Variants in ZSCAN25 observed in about 807,000 individuals in gnomAD.
ZSCAN25 encodes the protein zinc finger and SCAN domain containing 25, also known as zinc finger and SCAN domain-containing protein 25.
Under a neutral mutation model 38.7 loss-of-function variants are expected in ZSCAN25, and 27 were observed. The ratio of observed to expected loss-of-function variants is 0.70; its 90% CI spans 0.51 to 0.96. The LOEUF is 0.96. ZSCAN25 is among the 40% of genes least tolerant of loss of function. ZSCAN25 has a pLI of 0.00. For missense variants in ZSCAN25, 637 were observed against 705.9 expected, an observed-to-expected ratio of 0.90 and a Z score of 1.11; for synonymous variants, 273 against 277.7, an observed-to-expected ratio of 0.98 and a Z score of 0.17.
chr7:99,726,767 A>G, the ZSCAN25 span, among the ~76,000 whole-genome samples: 1 of 152,176 alleles, frequency 6.6e-6, no homozygotes, highest in Non-Finnish European at 1.5e-5. Flanking sequence ...AGTCTTTTCA[A>G]CAAGATACCC....
chr7:99,689,538 C>CA, the ZSCAN25 span, among the ~76,000 whole-genome samples: 1 of 152,210 alleles, frequency 6.6e-6, no homozygotes, highest in Admixed American at 6.5e-5. Flanking sequence ...GCTTACCAAC[C>CA]AAAAAAGTCC....
At chr7:99,651,055 G>C in the ZSCAN25 span, among the ~76,000 whole-genome samples, 1 of 152,242 alleles carries the variant, frequency 6.6e-6, no homozygotes, top group East Asian at 1.9e-4. Flanking sequence ...ATATTTTGGA[G>C]AGCATTCTGA....
chr7:99,628,558 TCTC>T (rs1366528354), intron 7 of ZSCAN25, among the ~76,000 whole-genome samples: 1 of 152,210 alleles, frequency 6.6e-6, no homozygotes, highest in African/African-American at 2.4e-5. Flanking sequence ...CTAGGGGCGT[TCTC>T]CTGCAGGAGC....
the ZSCAN25 span, among the ~76,000 whole-genome samples, chr7:99,696,059 C>T: frequency 2.0e-5 from 3 of 152,174 alleles, no homozygotes; most frequent in Non-Finnish European, 4.4e-5. Flanking sequence ...TAGTCGAAAG[C>T]AGCAGAAGTC....
the ZSCAN25 span, chr7:99,665,240 G>A: frequency 6.2e-7 from 1 of 1,614,152 alleles, no homozygotes; most frequent in Non-Finnish European, 8.5e-7. Flanking sequence ...GGGGTCTTGT[G>A]GATTGTTGAG....
At chr7:99,617,605 C>T (rs772748317) in intron 1 of ZSCAN25, among the ~76,000 whole-genome samples, 3 of 152,110 alleles carry the variant, frequency 2.0e-5, no homozygotes, top group South Asian at 2.1e-4. Flanking sequence ...ATTAGCTGGT[C>T]ATGGTGGCAC....
At chr7:99,713,632 G>A in the ZSCAN25 span, 1 of 1,535,204 alleles carries the variant, frequency 6.5e-7, no homozygotes, top group Non-Finnish European at 9.0e-7. Flanking sequence ...TGAGAATATA[G>A]CCCCTTGGAG....
intron 7 of ZSCAN25, among the ~76,000 whole-genome samples, chr7:99,627,454 T>TAC (rs980287705): frequency 1.4e-4 from 21 of 151,978 alleles, no homozygotes; most frequent in African/African-American, 2.2e-4. Flanking sequence ...TATATATACA[T>TAC]ACACACACAC....
the ZSCAN25 span, chr7:99,660,737 C>T: frequency 5.1e-3 from 7,733 of 1,515,386 alleles, 36 homozygotes; most frequent in Non-Finnish European, 5.7e-3. Flanking sequence ...CTAAGTGAAG[C>T]TCTCTAATCC....
the ZSCAN25 span, chr7:99,638,296 A>C: frequency 6.2e-7 from 1 of 1,606,604 alleles, no homozygotes; most frequent in Non-Finnish European, 8.5e-7. Context: ...CCGTCCCCTG[A>C]GGTGGCACAG....
the ZSCAN25 span, among the ~76,000 whole-genome samples, chr7:99,710,358 G>A: frequency 1.3e-5 from 2 of 152,158 alleles, no homozygotes; most frequent in African/African-American, 4.8e-5. Context: ...GCGCACCCAG[G>A]GCCAGGCTCC....
the ZSCAN25 span, among the ~76,000 whole-genome samples, chr7:99,675,256 A>G: frequency 6.6e-6 from 1 of 152,254 alleles, no homozygotes; most frequent in Non-Finnish European, 1.5e-5. Flanking sequence ...CTTCTGAAAC[A>G]TAAAAACAAA....
the ZSCAN25 span, among the ~76,000 whole-genome samples, chr7:99,728,153 G>A: frequency 6.6e-6 from 1 of 152,160 alleles, no homozygotes; most frequent in Admixed American, 6.5e-5. Flanking sequence ...CAAGGAAGAT[G>A]GTTCTTAGAC....
the ZSCAN25 span, among the ~76,000 whole-genome samples, chr7:99,696,720 T>C: frequency 2.6e-5 from 4 of 152,196 alleles, no homozygotes; most frequent in African/African-American, 7.2e-5. Flanking sequence ...GCCAGTGATA[T>C]GGTCTGAATC....
the ZSCAN25 span, among the ~76,000 whole-genome samples, chr7:99,692,719 T>G: frequency 9.9e-5 from 15 of 152,212 alleles, no homozygotes; most frequent in African/African-American, 3.4e-4. Flanking sequence ...CATCACGAAG[T>G]TCTTGTACCA....
chr7:99,620,021 C>T (rs185059551), intron 4 of ZSCAN25, 28 bp downstream of exon 4: 57 of 1,584,862 alleles, frequency 3.6e-5, no homozygotes, highest in East Asian at 9.0e-5. Flanking sequence ...CCAGGTCTGG[C>T]GCCCTTGGCG....
chr7:99,633,185 C>T (rs769935125), downstream of ZSCAN25, among the ~76,000 whole-genome samples: 9 of 152,000 alleles, frequency 5.9e-5, no homozygotes, highest in South Asian at 2.1e-4. Context: ...ATACCCATGG[C>T]GTGATTTAAC....
the ZSCAN25 span, among the ~76,000 whole-genome samples, chr7:99,733,678 G>A: frequency 1.3e-5 from 2 of 152,164 alleles, no homozygotes; most frequent in African/African-American, 4.8e-5. Context: ...TGTCCTTCAA[G>A]TGACCTCCAC....
the ZSCAN25 span, chr7:99,700,033 A>G: frequency 6.2e-6 from 10 of 1,607,408 alleles, no homozygotes; most frequent in Admixed American, 3.3e-5. Flanking sequence ...GATGAGGTCC[A>G]TCGCCACTTG....
Sources: allele counts gnomAD v4.1 joint callset (sites outside exome capture counted in the v4.1 genomes callset), GRCh38; gene constraint gnomAD v4.1.1; transcripts MANE v1.5; gene names NCBI Gene and HGNC (gene_info 2026-07-23, HGNC 2026-07-21).